Variants in VWA8 observed in about 807,000 individuals in gnomAD.
The protein encoded by VWA8 is von Willebrand factor A domain containing 8, also known as von Willebrand factor A domain-containing protein 8.
A neutral mutation model predicts 241.5 loss-of-function variants in VWA8; 221 were observed. That is an observed-to-expected ratio of 0.91 (90% CI 0.82 to 1.02). VWA8 has a LOEUF of 1.02. Ranked by LOEUF, VWA8 falls within the 50% of genes least tolerant of loss-of-function variation. VWA8 has a pLI of 0.00. For missense variants in VWA8, 2,322 were observed against 2,328.7 expected, an observed-to-expected ratio of 1.00 and a Z score of 0.06; for synonymous variants, 852 against 827.1, an observed-to-expected ratio of 1.03 and a Z score of -0.52.
chr13:41,750,432 AAACAACAAC>A (rs148479463), intron 21 of VWA8, among the ~76,000 whole-genome samples: 36 of 144,498 alleles, frequency 2.5e-4, no homozygotes, highest in African/African-American at 6.6e-4. Flanking sequence ...ACTCCATCTA[AAACAACAAC>A]AACAACAACA....
chr13:41,946,767 T>G (rs1472988942), intron 2 of VWA8, among the ~76,000 whole-genome samples: 1 of 152,130 alleles, frequency 6.6e-6, no homozygotes, highest in Non-Finnish European at 1.5e-5. Flanking sequence ...AAGTGACATA[T>G]TCTCCCTCAA....
chr13:41,798,081 G>T (rs531146016), intron 17 of VWA8, among the ~76,000 whole-genome samples: 90 of 152,092 alleles, frequency 5.9e-4, no homozygotes, highest in African/African-American at 2.1e-3. Context: ...TTGAACTAAT[G>T]AAGTCTAAAA....
rs370026087 is a variant in VWA8 at position 41,853,693 on chromosome 13, T to C, written c.1425+12043A>G. 1.2e-4 allele frequency among the ~76,000 whole-genome samples: 19 copies of C among 152,342 alleles called. 1 individual carries two copies. The East Asian group carries it at 3.7e-3, about 29-fold the overall frequency. On this transcript the variant is annotated intron_variant, in intron 12 of 44. Transcript: ENST00000379310. ...GTAGTCTCATGAGCCTTTGTATTTC[T>C]GTGCTATCAGTTGTGATGTTTGTTC...
intron 37 of VWA8, 102 bp from the exon 38 acceptor site, chr13:41,615,186 C>T: frequency 1.7e-6 from 2 of 1,198,836 alleles, no homozygotes; most frequent in South Asian, 1.5e-5. Flanking sequence ...TAAGGTATCA[C>T]ATAACCTCAG....
intron 4 of VWA8, among the ~76,000 whole-genome samples, chr13:41,904,083 A>G (rs1875586399): frequency 6.6e-6 from 1 of 152,154 alleles, no homozygotes; most frequent in South Asian, 2.1e-4. Flanking sequence ...TATAAACTTT[A>G]TAAACTAAAA....
chr13:41,953,910 G>A (rs1475122549), intron 1 of VWA8, among the ~76,000 whole-genome samples: 2 of 152,108 alleles, frequency 1.3e-5, no homozygotes, highest in Non-Finnish European at 2.9e-5. Flanking sequence ...AAAGGTAACT[G>A]GAAAATCCCC....
intron 17 of VWA8, among the ~76,000 whole-genome samples, chr13:41,801,017 A>T (rs1330872825): frequency 6.6e-6 from 1 of 152,166 alleles, no homozygotes; most frequent in Non-Finnish European, 1.5e-5. Flanking sequence ...AATTAGTAAT[A>T]AATTGTAACT....
intron 13 of VWA8, among the ~76,000 whole-genome samples, chr13:41,832,409 AGT>A (rs1871512090): frequency 6.6e-6 from 1 of 152,224 alleles, no homozygotes. Flanking sequence ...CCGTGTCTGC[AGT>A]GGTCTGGGAG....
intron 37 of VWA8, among the ~76,000 whole-genome samples, chr13:41,663,127 G>C (rs770887820): frequency 3.4e-4 from 52 of 152,226 alleles, no homozygotes; most frequent in Admixed American, 9.8e-4. Flanking sequence ...TTCAGTGGGA[G>C]AGACAAGGTG....
intron 24 of VWA8, among the ~76,000 whole-genome samples, chr13:41,726,140 A>G (rs146650715): frequency 5.3e-5 from 8 of 151,694 alleles, no homozygotes; most frequent in African/African-American, 1.5e-4. Context: ...TTTTTTTTCT[A>G]TCAGCATCAG....
chr13:41,865,194 A>T (rs747841961), intron 12 of VWA8: 3 of 221,426 alleles, frequency 1.4e-5, no homozygotes, highest in Non-Finnish European at 2.8e-5. Flanking sequence ...TAATTGACAC[A>T]TAATATATGT....
chr13:41,742,778 A>T (rs2045578209), intron 21 of VWA8, among the ~76,000 whole-genome samples: 1 of 152,184 alleles, frequency 6.6e-6, no homozygotes, highest in African/African-American at 2.4e-5. Context: ...AACACATGAG[A>T]TCCAAATGGA....
chr13:41,741,705 C>A (rs770927332), intron 21 of VWA8, among the ~76,000 whole-genome samples: 1 of 152,020 alleles, frequency 6.6e-6, no homozygotes, highest in Non-Finnish European at 1.5e-5. Context: ...AATTATAAAA[C>A]GAATTATATT....
At chr13:41,908,475 G>T (rs1260488344) in intron 3 of VWA8, among the ~76,000 whole-genome samples, 1 of 151,232 alleles carries the variant, frequency 6.6e-6, no homozygotes, top group African/African-American at 2.4e-5. Flanking sequence ...CCATCTCAAG[G>T]GAAAAAAAAC....
At chr13:41,770,316 C>T (rs2045810529) in intron 20 of VWA8, among the ~76,000 whole-genome samples, 1 of 151,990 alleles carries the variant, frequency 6.6e-6, no homozygotes, top group Non-Finnish European at 1.5e-5. Flanking sequence ...TGGCGGGCGC[C>T]TGTAGTCCCA....
At chr13:41,775,098 C>A (rs1868531438) in intron 20 of VWA8, among the ~76,000 whole-genome samples, 1 of 152,130 alleles carries the variant, frequency 6.6e-6, no homozygotes, top group Non-Finnish European at 1.5e-5. Flanking sequence ...AAAGCATTTA[C>A]AGGGAGAAAC....
intron 2 of VWA8, among the ~76,000 whole-genome samples, chr13:41,914,929 A>G (rs1292913636): frequency 6.6e-6 from 1 of 152,178 alleles, no homozygotes; most frequent in South Asian, 2.1e-4. Context: ...ATTTAGTTCT[A>G]TACTTCCAGT....
chr13:41,947,660 C>T (rs569874224), intron 2 of VWA8, among the ~76,000 whole-genome samples: 3 of 152,084 alleles, frequency 2.0e-5, no homozygotes, highest in Non-Finnish European at 2.9e-5. Flanking sequence ...GGTGGTCGGG[C>T]GCAGTGGCTC....
chr13:41,807,008 G>A (rs983434700), intron 17 of VWA8, among the ~76,000 whole-genome samples: 4 of 151,972 alleles, frequency 2.6e-5, no homozygotes, highest in Admixed American at 6.6e-5. Flanking sequence ...AAAAGGAGAC[G>A]TTAGAACTGT....
Sources: gnomAD v4.1 joint callset for allele counts (sites outside exome capture counted in the v4.1 genomes callset) on GRCh38, gnomAD v4.1.1 for gene constraint, MANE v1.5 for transcripts, NCBI Gene and HGNC (gene_info 2026-07-23, HGNC 2026-07-21) for gene names.